The following TRAK1 variants were observed in gnomAD, a reference collection of about 807,000 sequenced individuals.
TRAK1 encodes trafficking kinesin-binding protein 1.
In TRAK1, 33 loss-of-function variants were observed where a neutral mutation model predicts 92.1. The ratio of observed to expected loss-of-function variants is 0.36; its 90% CI spans 0.27 to 0.48. The LOEUF is 0.48. TRAK1 is among the 20% of genes least tolerant of loss of function. TRAK1 has a pLI of 0.99. For missense variants in TRAK1, 1,123 were observed against 1,257.9 expected, an observed-to-expected ratio of 0.89 and a Z score of 1.62; for synonymous variants, 521 against 517.3, an observed-to-expected ratio of 1.01 and a Z score of -0.10.
intron 15 of TRAK1, chr3:42,220,454 A>G (rs2149545816): frequency 1.3e-5 from 13 of 983,858 alleles, no homozygotes; most frequent in Non-Finnish European, 1.6e-5. Flanking sequence ...AGGGGTGGGA[A>G]CAGTCAGCCA....
At chr3:42,106,363 A>G (rs1489427843) in intron 1 of TRAK1, among the ~76,000 whole-genome samples, 3 of 152,192 alleles carry the variant, frequency 2.0e-5, no homozygotes, top group East Asian at 1.9e-4. Flanking sequence ...AAAAAAAAGC[A>G]GGGGTTGCAA....
upstream of TRAK1, among the ~76,000 whole-genome samples, chr3:42,089,382 A>G (rs549238658): frequency 6.6e-6 from 1 of 152,142 alleles, no homozygotes; most frequent in East Asian, 1.9e-4. Context: ...TCTCCGCTCA[A>G]CCATGAGAGT....
chr3:42,143,145 TTTTG>T (rs757077429), intron 2 of TRAK1, among the ~76,000 whole-genome samples: 83 of 152,268 alleles, frequency 5.5e-4, no homozygotes, highest in African/African-American at 1.9e-3. Flanking sequence ...GAAAGAGTTG[TTTTG>T]TTTGTTTGTT....
At position 42,040,309 on chromosome 3, in the gene TRAK1, A is replaced by G. The variant is rs537164820; in HGVS notation, c.-519+26192A>G. Among the ~76,000 whole-genome samples the G allele has an allele frequency of 2.6e-5, 4 of 152,264 alleles. No homozygotes were observed. The East Asian group carries it at 5.8e-4, about 22-fold the overall frequency. On this transcript the variant is annotated intron_variant, in intron 1 of 16. Transcript: ENST00000487159. ...TATTTATTTATTAATTAATTGATTA[A>G]TTATATAACTGCTCCTTGCAGAGCA...
At chr3:42,191,509 A>C (rs1559903759) in intron 6 of TRAK1, 49 bp from the exon 7 acceptor site, 1 of 1,539,392 alleles carries the variant, frequency 6.5e-7, no homozygotes, top group South Asian at 1.2e-5. Flanking sequence ...TGCCTGCACC[A>C]CCAGGCCAGG....
At chr3:42,150,834 T>C (rs4973900) in intron 2 of TRAK1, among the ~76,000 whole-genome samples, 109,568 of 152,052 alleles carry the variant, frequency 0.72, 40,721 homozygotes, top group East Asian at 0.99. Flanking sequence ...CTTTAACTAT[T>C]TTGAGTAACA....
At chr3:42,030,650 G>A (rs1702096386) in intron 1 of TRAK1, among the ~76,000 whole-genome samples, 1 of 126,190 alleles carries the variant, frequency 7.9e-6, no homozygotes, top group South Asian at 2.5e-4. Flanking sequence ...TGCAGCCTGG[G>A]TGACAGAGGG....
intron 14 of TRAK1, 61 bp downstream of exon 14, chr3:42,210,046 A>G: frequency 1.9e-6 from 3 of 1,613,776 alleles, no homozygotes; most frequent in Non-Finnish European, 2.5e-6. Flanking sequence ...AGCCGGCCTC[A>G]GGCTTCCCCA....
At chr3:42,140,298 C>A (rs138856754) in intron 2 of TRAK1, among the ~76,000 whole-genome samples, 1 of 152,026 alleles carries the variant, frequency 6.6e-6, no homozygotes, top group Non-Finnish European at 1.5e-5. Flanking sequence ...TGCCTTCTGC[C>A]GTGGGTGCTC....
chr3:42,057,487 G>A (rs1703249050), intron 1 of TRAK1, among the ~76,000 whole-genome samples: 1 of 152,300 alleles, frequency 6.6e-6, no homozygotes, highest in African/African-American at 2.4e-5. Flanking sequence ...TGGAGTAGGG[G>A]TTGAGGAGGC....
At chr3:42,082,214 A>G (rs960492782), upstream of TRAK1, among the ~76,000 whole-genome samples, 1 of 152,204 alleles carries the variant, frequency 6.6e-6, no homozygotes, top group East Asian at 1.9e-4. Flanking sequence ...ATTTAGGGCT[A>G]TTGATCATGA....
chr3:42,152,818 A>C (rs1274317821), intron 2 of TRAK1, among the ~76,000 whole-genome samples: 3 of 152,066 alleles, frequency 2.0e-5, no homozygotes, highest in African/African-American at 7.2e-5. Context: ...CTTTGTAGTT[A>C]CTCTAGAAAT....
At chr3:42,040,858 T>C (rs951972231) in intron 1 of TRAK1, among the ~76,000 whole-genome samples, 1 of 152,076 alleles carries the variant, frequency 6.6e-6, no homozygotes, top group African/African-American at 2.4e-5. Context: ...TTTGTATTTT[T>C]AGTAGAGACG....
At chr3:42,054,597 C>G (rs1366377090) in intron 1 of TRAK1, among the ~76,000 whole-genome samples, 1 of 152,180 alleles carries the variant, frequency 6.6e-6, no homozygotes, top group Non-Finnish European at 1.5e-5. Flanking sequence ...TTGGAAGACT[C>G]AGCTGTTTTC....
intron 2 of TRAK1, among the ~76,000 whole-genome samples, chr3:42,164,248 C>A (rs1701614549): frequency 6.6e-6 from 1 of 152,178 alleles, no homozygotes; most frequent in Middle Eastern, 3.2e-3. Flanking sequence ...CAAGGTGTTT[C>A]TACATTGTCA....
At chr3:42,139,779 G>A (rs972307362) in intron 2 of TRAK1, among the ~76,000 whole-genome samples, 2 of 152,110 alleles carry the variant, frequency 1.3e-5, no homozygotes, top group Admixed American at 6.5e-5. Flanking sequence ...AAGCTGGAAC[G>A]GACTCAGGTG....
intron 14 of TRAK1, among the ~76,000 whole-genome samples, chr3:42,216,522 C>T (rs1709708776): frequency 6.6e-6 from 1 of 152,186 alleles, no homozygotes; most frequent in African/African-American, 2.4e-5. Flanking sequence ...GCAAAGTCCT[C>T]TGATGTGTCC....
intron 2 of TRAK1, among the ~76,000 whole-genome samples, chr3:42,137,267 G>A (rs2133072): frequency 0.49 from 74,075 of 152,032 alleles, 18,316 homozygotes; most frequent in South Asian, 0.61. Context: ...GGCTATTTCT[G>A]TTTCTTCCCC....
At chr3:42,022,217 A>G (rs536981373) in intron 1 of TRAK1, among the ~76,000 whole-genome samples, 2 of 152,326 alleles carry the variant, frequency 1.3e-5, no homozygotes, top group African/African-American at 4.8e-5. Flanking sequence ...TCGAATATCA[A>G]GACATTCCAA....
Sources: gnomAD v4.1 joint callset for allele counts (sites outside exome capture counted in the v4.1 genomes callset) on GRCh38, gnomAD v4.1.1 for gene constraint, MANE v1.5 for transcripts, NCBI Gene and HGNC (gene_info 2026-07-23, HGNC 2026-07-21) for gene names.